The following OPRM1 variants were observed in gnomAD, a reference collection of about 807,000 sequenced individuals.
OPRM1 encodes the protein opioid receptor mu 1, also known as mu-type opioid receptor.
Under a neutral mutation model 31.8 loss-of-function variants are expected in OPRM1, and 27 were observed. The ratio of observed to expected loss-of-function variants is 0.85; its 90% CI spans 0.63 to 1.17. The LOEUF (loss-of-function observed/expected upper bound fraction) is 1.17, where lower values mean the gene tolerates loss of function less well. OPRM1 is among the 50% of genes most tolerant of loss of function. The pLI, the probability that OPRM1 is intolerant of heterozygous loss-of-function variation, is 0.00. For synonymous variants in OPRM1, 196 were observed against 189.9 expected (o/e 1.03, Z -0.26); for missense variants, 536 against 511.1 (o/e 1.05, Z -0.47).
intron 1 of OPRM1, chr6:154,073,790 G>A (rs1271687718): frequency 2.6e-5 from 4 of 152,338 alleles, no homozygotes; most frequent in Non-Finnish European, 1.5e-5. Flanking sequence ...GTCACTTAAG[G>A]CCAGGAGTTC....
intron 1 of OPRM1, among the ~76,000 whole-genome samples, chr6:154,079,997 T>C (rs1429703062): frequency 2.0e-5 from 3 of 152,238 alleles, no homozygotes; most frequent in Admixed American, 6.5e-5. Flanking sequence ...GATTATCATA[T>C]TCTATATGGA....
intron 3 of OPRM1, among the ~76,000 whole-genome samples, chr6:154,242,411 G>A (rs1000857523): frequency 6.6e-6 from 1 of 152,098 alleles, no homozygotes; most frequent in African/African-American, 2.4e-5. Flanking sequence ...CGTAAATGCC[G>A]AAGATTCTTA....
chr6:154,187,643 C>T lies in OPRM1; in HGVS notation c.1165-59050C>T, dbSNP rs116688003. Among the ~76,000 whole-genome samples, 1,047 of 152,292 alleles carry T rather than the reference C, an allele frequency of 6.9e-3. 16 individuals are homozygous for T. The highest frequency in any genetic ancestry group is 0.023 in the African/African-American group (960 of 41,564). On this transcript the variant is annotated intron_variant, in intron 3 of 3. Coordinates refer to the OPRM1 transcript ENST00000337049. ...TCTTAGTTATATATGGCTTGGCTCA[C>T]ATCATGTCTCACTCAACCCTGTGTC... is the stretch of plus-strand genomic sequence containing the variant.
chr6:154,065,242 C>T (rs189983161), intron 1 of OPRM1, among the ~76,000 whole-genome samples: 143 of 151,686 alleles, frequency 9.4e-4, no homozygotes, highest in African/African-American at 3.2e-3. Flanking sequence ...CTCCACCTCC[C>T]GGGTTTAAGT....
chr6:154,014,016 C>A (rs1220349695), intron 1 of OPRM1, among the ~76,000 whole-genome samples: 1 of 152,044 alleles, frequency 6.6e-6, no homozygotes, highest in Non-Finnish European at 1.5e-5. Flanking sequence ...GATATAGAGA[C>A]AAGGAAGGGT....
intron 3 of OPRM1, among the ~76,000 whole-genome samples, chr6:154,163,117 T>C (rs1799156633): frequency 6.6e-6 from 1 of 152,140 alleles, no homozygotes; most frequent in Admixed American, 6.5e-5. Context: ...TTCAGAACCT[T>C]CCAGAGGGTC....
chr6:154,239,542 C>T (rs116083382), intron 3 of OPRM1, among the ~76,000 whole-genome samples: 11 of 152,266 alleles, frequency 7.2e-5, no homozygotes, highest in African/African-American at 1.4e-4. Flanking sequence ...CATTGTCTTG[C>T]GGTAAACCGG....
intron 1 of OPRM1, among the ~76,000 whole-genome samples, chr6:154,027,221 T>C (rs1778747287): frequency 6.6e-6 from 1 of 152,242 alleles, no homozygotes; most frequent in Non-Finnish European, 1.5e-5. Flanking sequence ...AGGGACCACT[T>C]TGATGGTCTT....
At chr6:154,141,540 C>T (rs1798210660) in intron 3 of OPRM1, among the ~76,000 whole-genome samples, 1 of 152,228 alleles carries the variant, frequency 6.6e-6, no homozygotes, top group Non-Finnish European at 1.5e-5. Context: ...TGAGGATGTG[C>T]AGCTGTGACA....
chr6:154,093,349 CT>C, intron 3 of OPRM1: 1 of 1,614,162 alleles, frequency 6.2e-7, no homozygotes, highest in East Asian at 2.2e-5. Flanking sequence ...CTGCAAGGAC[CT>C]CTTGTCAGAT....
At chr6:154,154,861 A>G (rs911763850) in intron 3 of OPRM1, 1 of 152,738 alleles carries the variant, frequency 6.5e-6, no homozygotes, top group Admixed American at 6.5e-5. Context: ...TAAGATTTCC[A>G]CATTAATATC....
chr6:154,246,533 G>A (rs1781060019), intron 3 of OPRM1: 3 of 1,526,800 alleles, frequency 2.0e-6, no homozygotes, highest in East Asian at 2.3e-5. Flanking sequence ...ATCACCTGAT[G>A]CCTTTAACGT....
intron 3 of OPRM1, among the ~76,000 whole-genome samples, chr6:154,107,179 A>ATG (rs2128511153): frequency 1.3e-5 from 2 of 152,338 alleles, no homozygotes; most frequent in East Asian, 3.9e-4. Context: ...CCTTGGAAGA[A>ATG]TGGGGACAGG....
In OPRM1 at chr6:154,129,042, T is replaced by A. The variant is rs576656959; in HGVS notation, c.*10321T>A. Among the ~76,000 whole-genome samples, 1 of 152,130 alleles carries A rather than the reference T, an allele frequency of 6.6e-6. No homozygotes were observed. Among genetic ancestry groups the A allele is most frequent in the Non-Finnish European group, 1.5e-5 (1 of 68,010 alleles). On this transcript the variant is annotated 3_prime_UTR_variant, in exon 4 of 4. Transcript: ENST00000330432. ...CAGGATGAGCCACAGACAAAACCTC[T>A]CAGACACCGAGTTGTAGAAGGAAGG...
At chr6:154,149,597 CGTGTGT>C (rs59431090) in intron 3 of OPRM1, among the ~76,000 whole-genome samples, 2 of 148,376 alleles carry the variant, frequency 1.3e-5, no homozygotes, top group African/African-American at 5.0e-5. Flanking sequence ...CATTCTGGAT[CGTGTGT>C]GTGTGTGTGT....
At chr6:154,045,651 C>G (rs1039528998) in intron 1 of OPRM1, among the ~76,000 whole-genome samples, 1 of 152,188 alleles carries the variant, frequency 6.6e-6, no homozygotes, top group Admixed American at 6.5e-5. Context: ...CTACCTCAGC[C>G]GTTGATATGG....
Position 154,092,218 on chromosome 6 carries a change from T to C in OPRM1, c.1164+746T>C, listed in dbSNP as rs1583494026. On this transcript the variant is annotated intron_variant, in intron 3 of 3. Coordinates refer to ENST00000330432, the MANE Select transcript of OPRM1 (RefSeq NM_000914.5). ...ACCTACACAGAAAATTCAAGACTTA[T>C]ACACACTATTATAATCATATGGGAA... Among the ~76,000 whole-genome samples, 2 of 152,246 alleles carry C rather than the reference T, an allele frequency of 1.3e-5. 1 individual carries two copies. The highest frequency in any genetic ancestry group is 4.1e-4 in the South Asian group (2 of 4,828).
intron 3 of OPRM1, among the ~76,000 whole-genome samples, chr6:154,109,275 A>G (rs952252102): frequency 3.9e-5 from 6 of 152,244 alleles, no homozygotes; most frequent in Non-Finnish European, 8.8e-5. Context: ...CAACCAACAT[A>G]GCCCGACTTA....
In OPRM1 at chr6:154,131,742, AC is replaced by A. The variant is rs1358913619; in HGVS notation, c.*13022del. On this transcript the variant is annotated 3_prime_UTR_variant, in exon 4 of 4. Coordinates refer to ENST00000330432, the MANE Select transcript of OPRM1 (RefSeq NM_000914.5). ...GAAATCCACAGTTGTAACAGTGAGC[AC>A]AACATGCTTTCTGTGTGTGTTTTTA... 1.3e-5 allele frequency among the ~76,000 whole-genome samples: 2 copies of A among 152,204 alleles called. No homozygotes were observed. The highest frequency in any genetic ancestry group is 4.8e-5 in the African/African-American group (2 of 41,446).
Sources: allele counts gnomAD v4.1 joint callset (sites outside exome capture counted in the v4.1 genomes callset), GRCh38; gene constraint gnomAD v4.1.1; transcripts MANE v1.5; gene names NCBI Gene and HGNC (gene_info 2026-07-23, HGNC 2026-07-21).